DLG2: variants seen among roughly 807,000 people sequenced by gnomAD.
DLG2 encodes disks large homolog 2.
Under a neutral mutation model 132.5 loss-of-function variants are expected in DLG2, and 45 were observed. That is an observed-to-expected ratio of 0.34 (90% CI 0.27 to 0.44). DLG2 has a LOEUF of 0.44. Among genes scored for constraint, DLG2 ranks in the 20% least tolerant of loss-of-function variants. DLG2 has a pLI of 1.00. For missense variants in DLG2, 1,045 were observed against 1,196.9 expected (o/e 0.87, Z 1.87); for synonymous variants, 424 against 419.6 (o/e 1.01, Z -0.13).
intron 6 of DLG2, among the ~76,000 whole-genome samples, chr11:84,633,811 A>C (rs1389047199): frequency 6.6e-6 from 1 of 152,066 alleles, no homozygotes; most frequent in Non-Finnish European, 1.5e-5. Context: ...CCAATCACAC[A>C]CACTGGCCTG....
Position 84,157,788 on chromosome 11 carries a change from A to G in DLG2, c.624+5673T>C, listed in dbSNP as rs563994306. Among the ~76,000 whole-genome samples the G allele has an allele frequency of 2.0e-5, 3 of 152,342 alleles. No homozygotes were observed. In the East Asian group the frequency reaches 5.8e-4, roughly 29 times the overall value. Reference sequence around the variant, plus strand: ...GAAACAAGGTCTGTGCCCTGTACCTATGTTTAACAAGTGCTTGACAATTAA... The same window carrying G: ...GAAACAAGGTCTGTGCCCTGTACCTGTGTTTAACAAGTGCTTGACAATTAA... On this transcript the variant is annotated intron_variant, in intron 9 of 27. Transcript: ENST00000376104.
chr11:85,459,775 C>T (rs2092545318), intron 3 of DLG2, among the ~76,000 whole-genome samples: 1 of 152,144 alleles, frequency 6.6e-6, no homozygotes, highest in Admixed American at 6.5e-5. Flanking sequence ...GGGATTTCCT[C>T]CTCAGAGTAA....
At chr11:85,574,612 C>T (rs2078045358) in intron 3 of DLG2, among the ~76,000 whole-genome samples, 1 of 152,082 alleles carries the variant, frequency 6.6e-6, no homozygotes, top group Non-Finnish European at 1.5e-5. Context: ...TGGGATGAAT[C>T]CCTCATGAAT....
chr11:84,101,876 A>G (rs533066257), intron 9 of DLG2, among the ~76,000 whole-genome samples: 1 of 152,208 alleles, frequency 6.6e-6, no homozygotes, highest in South Asian at 2.1e-4. Flanking sequence ...TGGAGAGGGT[A>G]CTCAAAACTT....
At position 84,771,965 on chromosome 11, in the gene DLG2, G is replaced by A. The variant is rs75838023; in HGVS notation, c.358-237234C>T. ...GCCAAATCAAAAACACAATCCCATT[G>A]ACAATAGCTACACCCAAAAATAATA... On this transcript the variant is annotated intron_variant, in intron 6 of 27. Transcript: ENST00000376104. 7.3e-3 allele frequency among the ~76,000 whole-genome samples: 1,117 copies of A among 152,138 alleles called. 17 individuals are homozygous for A. Among genetic ancestry groups the A allele is most frequent in the African/African-American group, 0.025 (1,019 of 41,492 alleles).
chr11:84,728,776 T>G (rs180715530), intron 6 of DLG2, among the ~76,000 whole-genome samples: 1 of 152,332 alleles, frequency 6.6e-6, no homozygotes, highest in African/African-American at 2.4e-5. Flanking sequence ...GAACTTGTTA[T>G]TGGTTTATTC....
At chr11:83,487,074 T>C (rs2093564245) in intron 21 of DLG2, among the ~76,000 whole-genome samples, 1 of 152,096 alleles carries the variant, frequency 6.6e-6, no homozygotes, top group South Asian at 2.1e-4. Context: ...GTAGAACACA[T>C]TGTTCTGAAG....
chr11:83,809,848 A>G (rs17146120), intron 17 of DLG2, among the ~76,000 whole-genome samples: 36,192 of 152,038 alleles, frequency 0.24, 6,062 homozygotes, highest in African/African-American at 0.48. Context: ...TGTGAAAACC[A>G]TGAATATTAT....
intron 19 of DLG2, among the ~76,000 whole-genome samples, chr11:83,598,030 T>C (rs1594176888): frequency 6.6e-6 from 1 of 152,234 alleles, no homozygotes. Flanking sequence ...AGAGTCATGG[T>C]CTGATGCTCC....
At chr11:84,967,513 T>C (rs879825645) in intron 6 of DLG2, among the ~76,000 whole-genome samples, 1 of 152,134 alleles carries the variant, frequency 6.6e-6, no homozygotes, top group Non-Finnish European at 1.5e-5. Context: ...ATGTGGCAGA[T>C]AGAAAATGTG....
At chr11:84,538,142 G>A (rs1409134497) in intron 6 of DLG2, among the ~76,000 whole-genome samples, 1 of 152,208 alleles carries the variant, frequency 6.6e-6, no homozygotes, top group African/African-American at 2.4e-5. Context: ...TTCTGTGGGA[G>A]CAGAAATGGG....
intron 21 of DLG2, among the ~76,000 whole-genome samples, chr11:83,522,469 A>C (rs1308660526): frequency 6.6e-6 from 1 of 152,162 alleles, no homozygotes; most frequent in African/African-American, 2.4e-5. Context: ...CACTCAGATC[A>C]AGAGAACCTT....
At chr11:85,161,621 G>A (rs577260286) in intron 4 of DLG2, among the ~76,000 whole-genome samples, 13 of 152,296 alleles carry the variant, frequency 8.5e-5, no homozygotes, top group South Asian at 8.3e-4. Context: ...CACAGTCATG[G>A]TATTCCATAT....
chr11:83,699,937 G>GCGCACA (rs2082622095), intron 18 of DLG2, among the ~76,000 whole-genome samples: 3 of 142,368 alleles, frequency 2.1e-5, no homozygotes, highest in South Asian at 2.2e-4. Context: ...CACCACACAT[G>GCGCACA]CACACACACA....
At chr11:84,236,190 A>C (rs1315055248) in intron 8 of DLG2, among the ~76,000 whole-genome samples, 2 of 152,212 alleles carry the variant, frequency 1.3e-5, no homozygotes, top group East Asian at 3.9e-4. Context: ...GAATCCAGAT[A>C]ATTTCACTAT....
At chr11:85,487,653 A>G (rs2093460597) in intron 3 of DLG2, among the ~76,000 whole-genome samples, 1 of 152,156 alleles carries the variant, frequency 6.6e-6, no homozygotes, top group Non-Finnish European at 1.5e-5. Context: ...ATAAGAAAGA[A>G]AAAAGCCTTT....
At chr11:84,031,624 G>A (rs36026849) in intron 11 of DLG2, among the ~76,000 whole-genome samples, 3,410 of 152,222 alleles carry the variant, frequency 0.022, 69 homozygotes, top group Middle Eastern at 0.034. Context: ...GAAAGTTAAC[G>A]AATGGCAACG....
chr11:83,628,516 C>A (rs2063008765), intron 19 of DLG2, among the ~76,000 whole-genome samples: 1 of 152,114 alleles, frequency 6.6e-6, no homozygotes, highest in Non-Finnish European at 1.5e-5. Context: ...CTCCGAGTTT[C>A]AGTTTCTTCA....
chr11:85,365,988 G>A (rs2084521581), intron 3 of DLG2, among the ~76,000 whole-genome samples: 1 of 152,110 alleles, frequency 6.6e-6, no homozygotes, highest in South Asian at 2.1e-4. Context: ...ATGTCAGGTT[G>A]ATGGGTGCAG....
Sources: allele counts gnomAD v4.1 joint callset (sites outside exome capture counted in the v4.1 genomes callset), GRCh38; gene constraint gnomAD v4.1.1; transcripts MANE v1.5; gene names NCBI Gene and HGNC (gene_info 2026-07-23, HGNC 2026-07-21).